Variants in MYRIP observed in about 807,000 individuals in gnomAD.
MYRIP encodes myosin VIIA and Rab interacting protein, also known as rab effector MyRIP.
MYRIP carries 49 observed loss-of-function variants against 98.0 expected under a neutral mutation model. The ratio of observed to expected loss-of-function variants is 0.50; its 90% CI spans 0.40 to 0.63. The LOEUF (loss-of-function observed/expected upper bound fraction) is 0.63. Ranked by LOEUF, MYRIP falls within the 30% of genes least tolerant of loss-of-function variation. The pLI, the probability that MYRIP is intolerant of heterozygous loss-of-function variation, is 0.00. For missense variants in MYRIP, 1,004 were observed against 1,058.2 expected, an observed-to-expected ratio of 0.95 and a Z score of 0.71; for synonymous variants, 404 against 409.5, an observed-to-expected ratio of 0.99 and a Z score of 0.16.
intron 2 of MYRIP, among the ~76,000 whole-genome samples, chr3:39,989,280 T>C (rs936841766): frequency 1.3e-5 from 2 of 152,272 alleles, no homozygotes; most frequent in Non-Finnish European, 2.9e-5. Context: ...AGTTATCAGG[T>C]CCCTCTTCTG....
chr3:39,840,180 G>A (rs1374968123), intron 1 of MYRIP, among the ~76,000 whole-genome samples: 2 of 152,228 alleles, frequency 1.3e-5, no homozygotes, highest in South Asian at 4.1e-4. Context: ...ATATATTTAG[G>A]ATAGTTAGCT....
chr3:40,087,484 G>A lies in MYRIP; in HGVS notation c.332+43213G>A, dbSNP rs147865565. Among the ~76,000 whole-genome samples, 447 of 152,258 alleles carry A rather than the reference G, an allele frequency of 2.9e-3. 3 individuals carry two copies. The highest frequency in any genetic ancestry group is 9.7e-3 in the African/African-American group (405 of 41,542). On this transcript the variant is annotated intron_variant, in intron 3 of 16. Coordinates refer to ENST00000302541, the MANE Select transcript of MYRIP (RefSeq NM_015460.4). The stretch of plus-strand genomic sequence containing the variant: ...GCTTCAAGAAGGGAGTGTGTTATGA[G>A]AGACCAGGCTTTAGTTCTATTACAG...
intron 2 of MYRIP, among the ~76,000 whole-genome samples, chr3:39,918,640 G>A (rs1245127443): frequency 6.6e-6 from 1 of 152,192 alleles, no homozygotes; most frequent in African/African-American, 2.4e-5. Flanking sequence ...AGGGGAAATG[G>A]CATACAAATT....
At chr3:39,941,089 A>C (rs1944772920) in intron 2 of MYRIP, among the ~76,000 whole-genome samples, 1 of 152,066 alleles carries the variant, frequency 6.6e-6, no homozygotes, top group African/African-American at 2.4e-5. Flanking sequence ...TGTGTATGTG[A>C]GGGAGTGTAC....
At chr3:39,946,996 G>T (rs1236382822) in intron 2 of MYRIP, among the ~76,000 whole-genome samples, 1 of 152,102 alleles carries the variant, frequency 6.6e-6, no homozygotes, top group Non-Finnish European at 1.5e-5. Context: ...GGACAAAGTA[G>T]GATTTTAATT....
chr3:39,950,442 T>C (rs1236628707), intron 2 of MYRIP, among the ~76,000 whole-genome samples: 3 of 152,216 alleles, frequency 2.0e-5, no homozygotes, highest in Non-Finnish European at 4.4e-5. Flanking sequence ...TTTAGAAACA[T>C]ATGCTTTCCT....
chr3:40,031,386 T>A (rs1477385883), intron 2 of MYRIP, among the ~76,000 whole-genome samples: 4 of 152,098 alleles, frequency 2.6e-5, no homozygotes. Context: ...AAGAAGGAAT[T>A]TAAAACCAGA....
Position 40,162,736 on chromosome 3 carries a change from G to C in MYRIP, c.476G>C (p.Ser159Thr), listed in dbSNP as rs769565434. The change falls in exon 5 of 17, where the codon AGC becomes ACC. Residue 159 changes from serine (S) to threonine (T), a missense_variant. This residue lies in a region of MYRIP where 880 missense variants were observed against 907.7 expected (regional missense o/e 0.97). Coordinates refer to ENST00000302541, the MANE Select transcript of MYRIP (RefSeq NM_015460.4). ...SGACFDILGG[S>T]LFESNLENEG... The stretch of plus-strand genomic sequence containing the variant: ...CCCACCCCTACCCTGCCAGGAGGAA[G>C]CCTTTTTGAGTCAAACCTGGAGAAT... The C allele has an allele frequency of 6.2e-7, 1 of 1,613,920 alleles. No homozygotes were observed. Among genetic ancestry groups the C allele is most frequent in the Non-Finnish European group, 8.5e-7 (1 of 1,179,926 alleles).
rs538924813 is a variant in MYRIP, at chr3:40,241,154, T to G, written c.2101-3292T>G. On this transcript the variant is annotated intron_variant, in intron 12 of 16. Coordinates refer to ENST00000302541, the MANE Select transcript of MYRIP (RefSeq NM_015460.4). The stretch of plus-strand genomic sequence containing the variant: ...CACCTTGAGGATGTATGCAGGGTTG[T>G]AAGTAACCCATAATCCCCAGCCTCA... Among the ~76,000 whole-genome samples, 134 of 152,264 alleles carry G rather than the reference T, an allele frequency of 8.8e-4. 1 individual carries two copies. The highest frequency in any genetic ancestry group is 3.1e-3 in the African/African-American group (129 of 41,554).
intron 1 of MYRIP, among the ~76,000 whole-genome samples, chr3:39,896,892 C>T: frequency 6.6e-6 from 1 of 151,652 alleles, no homozygotes; most frequent in Non-Finnish European, 1.5e-5. Context: ...GTTGTATTAA[C>T]CAGTACCTGT....
chr3:39,856,053 C>T (rs1297707910), intron 1 of MYRIP, among the ~76,000 whole-genome samples: 1 of 152,152 alleles, frequency 6.6e-6, no homozygotes, highest in Non-Finnish European at 1.5e-5. Context: ...TCCCTAAATT[C>T]ATTTTACTTC....
intron 11 of MYRIP, among the ~76,000 whole-genome samples, chr3:40,217,478 T>A (rs1952160610): frequency 6.6e-6 from 1 of 152,210 alleles, no homozygotes. Flanking sequence ...GAAAACATGA[T>A]TATTTTATTA....
intron 2 of MYRIP, among the ~76,000 whole-genome samples, chr3:39,929,809 G>T (rs114969352): frequency 0.037 from 5,604 of 152,028 alleles, 344 homozygotes; most frequent in African/African-American, 0.13. Context: ...GACACTTTAT[G>T]TGTCCAGGTG....
intron 1 of MYRIP, among the ~76,000 whole-genome samples, chr3:39,893,718 A>T (rs957804510): frequency 4.0e-4 from 60 of 151,570 alleles, no homozygotes; most frequent in African/African-American, 1.4e-3. Context: ...GCATGCACAC[A>T]TACATTGTTT....
At chr3:40,035,258 A>T (rs1947353118) in intron 2 of MYRIP, among the ~76,000 whole-genome samples, 1 of 151,928 alleles carries the variant, frequency 6.6e-6, no homozygotes, top group Non-Finnish European at 1.5e-5. Flanking sequence ...AAGAAAAAGA[A>T]ATCAAAACCG....
chr3:40,082,782 G>A (rs190074728), intron 3 of MYRIP, among the ~76,000 whole-genome samples: 102 of 152,330 alleles, frequency 6.7e-4, no homozygotes, highest in African/African-American at 2.4e-3. Flanking sequence ...AATGGCATGT[G>A]TAATGGATAC....
intron 3 of MYRIP, among the ~76,000 whole-genome samples, chr3:40,051,144 G>T (rs1224738651): frequency 6.6e-6 from 1 of 152,260 alleles, no homozygotes; most frequent in African/African-American, 2.4e-5. Flanking sequence ...AATGTTTACT[G>T]TAAGTAAAAT....
intron 15 of MYRIP, among the ~76,000 whole-genome samples, chr3:40,250,934 C>T (rs562866263): frequency 6.6e-6 from 1 of 152,332 alleles, no homozygotes; most frequent in African/African-American, 2.4e-5. Flanking sequence ...GGTATTAACT[C>T]CCTGGTACTT....
intron 2 of MYRIP, among the ~76,000 whole-genome samples, chr3:39,913,295 T>TC: frequency 6.6e-6 from 1 of 152,198 alleles, no homozygotes; most frequent in Non-Finnish European, 1.5e-5. Context: ...GGCAAACCTC[T>TC]ATAGAGGATG....
Sources: allele counts gnomAD v4.1 joint callset (sites outside exome capture counted in the v4.1 genomes callset), GRCh38; gene constraint gnomAD v4.1.1; regional missense constraint gnomAD v4.1.1; transcripts MANE v1.5; gene names NCBI Gene and HGNC (gene_info 2026-07-23, HGNC 2026-07-21).